The following EXOC2 variants were observed in gnomAD, a reference collection of about 807,000 sequenced individuals.
EXOC2 encodes the protein SEC5-like 1.
Under a neutral mutation model 131.8 loss-of-function variants are expected in EXOC2, and 70 were observed. The observed-to-expected ratio is 0.53, with a 90% confidence interval of 0.44 to 0.65. EXOC2 has a LOEUF of 0.65. Among genes scored for constraint, EXOC2 ranks in the 30% least tolerant of loss-of-function variants. The probability of loss-of-function intolerance (pLI) is 0.00; values close to 1 mark genes in which losing one functional copy is unlikely to be tolerated. For missense variants in EXOC2, 923 were observed against 1,108.6 expected, an observed-to-expected ratio of 0.83 and a Z score of 2.38; for synonymous variants, 411 against 398.4, an observed-to-expected ratio of 1.03 and a Z score of -0.38.
At chr6:606,370 A>G (rs1760412271) in intron 7 of EXOC2, among the ~76,000 whole-genome samples, 1 of 152,220 alleles carries the variant, frequency 6.6e-6, no homozygotes, top group Non-Finnish European at 1.5e-5. Flanking sequence ...TACACATGTA[A>G]CAAACCTGCA....
intron 1 of EXOC2, among the ~76,000 whole-genome samples, chr6:659,956 T>TG (rs1302935728): frequency 7.6e-6 from 1 of 131,934 alleles, no homozygotes; most frequent in Non-Finnish European, 1.6e-5. Context: ...GCAGGTAGCC[T>TG]GGGGCAGATT....
chr6:681,860 T>C (rs1325772013), intron 1 of EXOC2, among the ~76,000 whole-genome samples: 1 of 152,252 alleles, frequency 6.6e-6, no homozygotes, highest in African/African-American at 2.4e-5. Context: ...GAGAATCAAC[T>C]GCTCTGGAGG....
intron 22 of EXOC2, among the ~76,000 whole-genome samples, chr6:544,966 T>C (rs1024174543): frequency 6.6e-6 from 1 of 151,356 alleles, no homozygotes; most frequent in Non-Finnish European, 1.5e-5. Flanking sequence ...GCTAACAAGG[T>C]GAAACCCCGT....
intron 23 of EXOC2, among the ~76,000 whole-genome samples, chr6:500,259 T>G (rs1283752157): frequency 6.6e-6 from 1 of 152,194 alleles, no homozygotes; most frequent in Non-Finnish European, 1.5e-5. Context: ...AAGGAATCAC[T>G]TTTAGGAGAA....
intron 1 of EXOC2, among the ~76,000 whole-genome samples, chr6:640,584 C>A (rs373267989): frequency 2.6e-5 from 4 of 152,276 alleles, no homozygotes; most frequent in East Asian, 1.9e-4. Flanking sequence ...AAAGGTGAAA[C>A]GAGGTCACAT....
At chr6:652,874 C>T (rs192503221) in intron 1 of EXOC2, among the ~76,000 whole-genome samples, 1 of 152,194 alleles carries the variant, frequency 6.6e-6, no homozygotes, top group Non-Finnish European at 1.5e-5. Flanking sequence ...TTTGTGACAA[C>T]CCTGCATCAA....
intron 25 of EXOC2, among the ~76,000 whole-genome samples, chr6:493,191 T>C (rs1763535417): frequency 6.6e-6 from 1 of 152,230 alleles, no homozygotes; most frequent in South Asian, 2.1e-4. Flanking sequence ...GCCATCTAGA[T>C]CAAAGCAGAT....
At chr6:678,331 A>C (rs1764246353) in intron 1 of EXOC2, among the ~76,000 whole-genome samples, 1 of 152,232 alleles carries the variant, frequency 6.6e-6, no homozygotes, top group Non-Finnish European at 1.5e-5. Flanking sequence ...ATAATAACTA[A>C]TGTCACAGGA....
intron 1 of EXOC2, among the ~76,000 whole-genome samples, chr6:686,929 C>CA (rs1764682426): frequency 6.6e-6 from 1 of 151,980 alleles, no homozygotes; most frequent in African/African-American, 2.4e-5. Context: ...AAAGAAGATA[C>CA]ACTACTTAAT....
chr6:516,431 C>T (rs943337820), intron 23 of EXOC2, among the ~76,000 whole-genome samples: 2 of 152,202 alleles, frequency 1.3e-5, no homozygotes, highest in African/African-American at 2.4e-5. Flanking sequence ...CCCCTAGCCC[C>T]GGCCCAACAG....
intron 23 of EXOC2, among the ~76,000 whole-genome samples, chr6:508,021 C>G (rs1473292131): frequency 1.3e-5 from 2 of 152,318 alleles, no homozygotes; most frequent in African/African-American, 4.8e-5. Flanking sequence ...AGTGTATGTT[C>G]TTCCAGATCT....
chr6:614,566 A>G (rs1026801627), intron 6 of EXOC2, among the ~76,000 whole-genome samples: 1 of 152,222 alleles, frequency 6.6e-6, no homozygotes, highest in African/African-American at 2.4e-5. Flanking sequence ...GAGTCCTTCT[A>G]GCAAAACACC....
intron 22 of EXOC2, among the ~76,000 whole-genome samples, chr6:540,278 G>C (rs1319422735): frequency 6.6e-6 from 1 of 152,120 alleles, no homozygotes; most frequent in East Asian, 1.9e-4. Context: ...AATCAAGTTA[G>C]TCACCTCACA....
At chr6:533,046 C>T (rs1395451636) in intron 22 of EXOC2, among the ~76,000 whole-genome samples, 4 of 151,992 alleles carry the variant, frequency 2.6e-5, no homozygotes, top group Admixed American at 2.6e-4. Flanking sequence ...GGGAAGAGAG[C>T]CCCTTATAAA....
chr6:489,808 C>T (rs2127465886), intron 26 of EXOC2, among the ~76,000 whole-genome samples: 1 of 152,180 alleles, frequency 6.6e-6, no homozygotes, highest in South Asian at 2.1e-4. Flanking sequence ...GTAAAAACAT[C>T]CTCAATCTAC....
chr6:589,014 A>G (rs184668956), intron 11 of EXOC2, among the ~76,000 whole-genome samples: 2 of 152,354 alleles, frequency 1.3e-5, no homozygotes, highest in East Asian at 3.9e-4. Flanking sequence ...CAGTTTCAAA[A>G]AGTCCATATG....
At chr6:564,194 G>T in intron 15 of EXOC2, 40 bp from the exon 16 acceptor site, 1 of 1,604,618 alleles carries the variant, frequency 6.2e-7, no homozygotes, top group Non-Finnish European at 8.5e-7. Context: ...AGCAGAGTGG[G>T]ATCGCAAAGC....
At chr6:597,429 C>T (rs1759881485) in intron 10 of EXOC2, among the ~76,000 whole-genome samples, 1 of 152,200 alleles carries the variant, frequency 6.6e-6, no homozygotes, top group Non-Finnish European at 1.5e-5. Context: ...CCCGCCTCAG[C>T]CTCCCAAAGT....
intron 1 of EXOC2, among the ~76,000 whole-genome samples, chr6:647,745 C>T (rs1482592493): frequency 6.7e-6 from 1 of 148,764 alleles, no homozygotes; most frequent in Admixed American, 6.8e-5. Context: ...CAGGGCAATT[C>T]CAATTTACTC....
Sources: allele counts gnomAD v4.1 joint callset (sites outside exome capture counted in the v4.1 genomes callset), GRCh38; gene constraint gnomAD v4.1.1; transcripts MANE v1.5; gene names NCBI Gene and HGNC (gene_info 2026-07-23, HGNC 2026-07-21).